Variants in OCLN observed in about 807,000 individuals in gnomAD.
OCLN encodes the protein occludin.
In OCLN, 21 loss-of-function variants were observed where a neutral mutation model predicts 47.9. That is an observed-to-expected ratio of 0.44 (90% CI 0.31 to 0.63). The LOEUF (loss-of-function observed/expected upper bound fraction) is 0.63. Ranked by LOEUF, OCLN falls within the 30% of genes least tolerant of loss-of-function variation. OCLN has a pLI of 0.08. For synonymous variants in OCLN, 117 were observed against 198.4 expected (o/e 0.59, Z 3.45); for missense variants, 360 against 571.0 (o/e 0.63, Z 3.77).
At position 69,554,831 on chromosome 5, in the gene OCLN, G is replaced by A. The variant is rs1046478436; in HGVS notation, c.*1160G>A. The A allele has an allele frequency of 7.2e-5, 11 of 151,794 alleles. No homozygotes were observed. The highest frequency in any genetic ancestry group is 1.5e-4 in the Non-Finnish European group (10 of 67,976). 9.4% of individuals were successfully genotyped at this position (151,794 alleles called of 1,614,324 possible). A position where few individuals can be genotyped will look rare whatever the true frequency, so the allele number is the denominator to read the frequency against. ...TAGTAAAATTAGTTGATAGCACTGT[G>A]CTGACCAAGTTGATTGTGATCATCC... On this transcript the variant is annotated 3_prime_UTR_variant, in exon 9 of 9. Coordinates refer to ENST00000396442, the MANE Select transcript of OCLN (RefSeq NM_001205254.2).
chr5:69,525,488 A>G (rs1416202411), intron 4 of OCLN, among the ~76,000 whole-genome samples: 2 of 152,204 alleles, frequency 1.3e-5, no homozygotes, highest in South Asian at 2.1e-4. Context: ...GTTAGACTTT[A>G]TAATATTTTC....
chr5:69,515,536 T>C (rs1768922020), intron 4 of OCLN, among the ~76,000 whole-genome samples: 1 of 111,976 alleles, frequency 8.9e-6, no homozygotes, highest in Non-Finnish European at 1.8e-5. Context: ...GGCGGGGGGC[T>C]GACCCCCCCC....
chr5:69,531,533 G>T (rs1041898031), intron 4 of OCLN, among the ~76,000 whole-genome samples: 14 of 152,198 alleles, frequency 9.2e-5, no homozygotes, highest in Non-Finnish European at 1.3e-4. Context: ...GCTTTGGTTT[G>T]GTGAAGCATT....
At position 69,527,599 on chromosome 5, in the gene OCLN, C is replaced by T. The variant is rs116001717; in HGVS notation, c.892-7095C>T. 6.1e-3 allele frequency among the ~76,000 whole-genome samples: 926 copies of T among 152,222 alleles called. 12 individuals carry two copies. The highest frequency in any genetic ancestry group is 0.021 in the African/African-American group (893 of 41,542). On this transcript the variant is annotated intron_variant, in intron 4 of 8. Transcript: ENST00000396442. Reference sequence around the variant, plus strand: ...TTGGCTGCTGGAGAAAAAGAGCAACCTTATGGTGGTTAGAACATAGTGTAT... The same window carrying T: ...TTGGCTGCTGGAGAAAAAGAGCAACTTTATGGTGGTTAGAACATAGTGTAT...
At chr5:69,527,266 G>A (rs561098322) in intron 4 of OCLN, among the ~76,000 whole-genome samples, 7 of 150,244 alleles carry the variant, frequency 4.7e-5, no homozygotes. Context: ...AACAGAGTGA[G>A]ACTTCGTCTC....
intron 4 of OCLN, among the ~76,000 whole-genome samples, chr5:69,516,034 C>T (rs1768956062): frequency 6.6e-6 from 1 of 150,386 alleles, no homozygotes; most frequent in Admixed American, 6.6e-5. Flanking sequence ...GGCAGAGGGG[C>T]TCCTCACGTC....
intron 3 of OCLN, among the ~76,000 whole-genome samples, chr5:69,511,646 G>C (rs1050037326): frequency 6.6e-6 from 1 of 152,066 alleles, no homozygotes. Context: ...GAACTCCTGG[G>C]CTCAAGTGAT....
At chr5:69,517,205 G>GTT (rs1170757212) in intron 4 of OCLN, among the ~76,000 whole-genome samples, 1 of 151,980 alleles carries the variant, frequency 6.6e-6, no homozygotes, top group Non-Finnish European at 1.5e-5. Context: ...ATGGCCACAG[G>GTT]TTCCCAGGAA....
chr5:69,502,971 AC>A (rs2111953169), intron 1 of OCLN, among the ~76,000 whole-genome samples: 1 of 152,358 alleles, frequency 6.6e-6, no homozygotes, highest in South Asian at 2.1e-4. Context: ...GGTTCAAGTT[AC>A]ATCTGAGTGA....
chr5:69,549,754 CACTT>C lies in OCLN; in HGVS notation c.1425+1656_1425+1659del, dbSNP rs1357483090. On this transcript the variant is annotated intron_variant, in intron 7 of 8. Coordinates refer to ENST00000396442, the MANE Select transcript of OCLN (RefSeq NM_001205254.2). ...TTTGTTCCTTTATTGATCAGTCAAT[CACTT>C]ACGTAAGTATGGACTTTACAGATAC... 4.0e-5 allele frequency among the ~76,000 whole-genome samples: 6 copies of C among 151,742 alleles called. 1 individual carries two copies. The highest frequency in any genetic ancestry group is 9.6e-5 in the African/African-American group (4 of 41,496).
At chr5:69,499,930 C>T (rs569395679) in intron 1 of OCLN, among the ~76,000 whole-genome samples, 101 of 152,258 alleles carry the variant, frequency 6.6e-4, no homozygotes, top group African/African-American at 2.4e-3. Context: ...GGATTATTCC[C>T]GCATTTGAGT....
At chr5:69,501,897 G>A (rs1236268843) in intron 1 of OCLN, among the ~76,000 whole-genome samples, 1 of 151,888 alleles carries the variant, frequency 6.6e-6, no homozygotes, top group African/African-American at 2.4e-5. Flanking sequence ...GTCCTAAAGG[G>A]TATAGAAGAG....
intron 4 of OCLN, among the ~76,000 whole-genome samples, chr5:69,515,477 G>A (rs1580562579): frequency 7.5e-6 from 1 of 133,636 alleles, no homozygotes. Flanking sequence ...TCCCAGTAGG[G>A]GCGGCCGGGC....
intron 2 of OCLN, among the ~76,000 whole-genome samples, 175 bp from the exon 3 acceptor site, chr5:69,508,966 G>T (rs914161120): frequency 6.6e-6 from 1 of 152,198 alleles, no homozygotes; most frequent in African/African-American, 2.4e-5. Flanking sequence ...GAGCAGAATG[G>T]GTTGTGGCTA....
rs200173842 is a variant in OCLN at position 69,511,117 on chromosome 5, C to T, written c.729+1298C>T. Among the ~76,000 whole-genome samples, 12 of 152,154 alleles carry T rather than the reference C, an allele frequency of 7.9e-5. No individual in the cohort carries two copies. The East Asian group carries it at 1.7e-3, about 22-fold the overall frequency. On this transcript the variant is annotated intron_variant, in intron 3 of 8. Transcript: ENST00000396442. ...TGAGACGGAGTCTTGCTCTATCGCC[C>T]AGGCTGGAGTGCAGTGGTGTGATCT...
At chr5:69,547,144 G>A (rs182221627) in intron 6 of OCLN, among the ~76,000 whole-genome samples, 8 of 151,330 alleles carry the variant, frequency 5.3e-5, no homozygotes, top group African/African-American at 9.7e-5. Context: ...TTTCCACTTC[G>A]GAAAAACAAG....
intron 4 of OCLN, among the ~76,000 whole-genome samples, chr5:69,525,588 C>A (rs77991703): frequency 0.036 from 5,513 of 152,174 alleles, 142 homozygotes; most frequent in Middle Eastern, 0.082. Flanking sequence ...GTTTTCTCTT[C>A]TACTTTTTAC....
At chr5:69,503,021 C>T (rs1768501860) in intron 1 of OCLN, among the ~76,000 whole-genome samples, 1 of 152,232 alleles carries the variant, frequency 6.6e-6, no homozygotes, top group Non-Finnish European at 1.5e-5. Flanking sequence ...TATTACTTCA[C>T]ATCTCTTTCT....
intron 4 of OCLN, among the ~76,000 whole-genome samples, chr5:69,521,301 A>T (rs1490410461): frequency 6.6e-6 from 1 of 152,244 alleles, no homozygotes; most frequent in African/African-American, 2.4e-5. Context: ...GTGGTATTTC[A>T]TAGTATGAGT....
Sources: allele counts gnomAD v4.1 joint callset (sites outside exome capture counted in the v4.1 genomes callset), GRCh38; gene constraint gnomAD v4.1.1; transcripts MANE v1.5; gene names NCBI Gene and HGNC (gene_info 2026-07-23, HGNC 2026-07-21).